SPATA13: variants seen among roughly 807,000 people sequenced by gnomAD.
SPATA13 encodes the protein spermatogenesis-associated protein 13.
Under a neutral mutation model 104.0 loss-of-function variants are expected in SPATA13, and 50 were observed. That is an observed-to-expected ratio of 0.48 (90% CI 0.38 to 0.61). The LOEUF is 0.61. SPATA13 is among the 20% of genes least tolerant of loss of function. The pLI, the probability that SPATA13 is intolerant of heterozygous loss-of-function variation, is 0.00. For synonymous variants in SPATA13, 606 were observed against 667.5 expected (o/e 0.91, Z 1.42); for missense variants, 1,524 against 1,690.6 (o/e 0.90, Z 1.73).
intron 3 of SPATA13, among the ~76,000 whole-genome samples, chr13:24,024,554 C>A (rs891870496): frequency 2.0e-5 from 3 of 152,040 alleles, no homozygotes; most frequent in Non-Finnish European, 4.4e-5. Context: ...CAGGGCCCTG[C>A]TGGTGGCCAC....
At chr13:24,001,145 C>G (rs1463175068) in intron 2 of SPATA13, among the ~76,000 whole-genome samples, 3 of 152,158 alleles carry the variant, frequency 2.0e-5, no homozygotes, top group Non-Finnish European at 4.4e-5. Flanking sequence ...CCTACTCTCT[C>G]CAGGTAATGT....
chr13:24,064,830 C>CTGTGTG (rs1878893427), intron 3 of SPATA13, among the ~76,000 whole-genome samples: 1 of 152,162 alleles, frequency 6.6e-6, no homozygotes, highest in African/African-American at 2.4e-5. Context: ...GTGACTTCAC[C>CTGTGTG]TGTGGGGTAG....
At chr13:24,149,159 C>A (rs1368375240) in intron 3 of SPATA13, among the ~76,000 whole-genome samples, 1 of 152,220 alleles carries the variant, frequency 6.6e-6, no homozygotes, top group Non-Finnish European at 1.5e-5. Context: ...TGCCATCACA[C>A]TGGGTCGTTT....
chr13:24,010,830 C>T (rs577490023), intron 2 of SPATA13, among the ~76,000 whole-genome samples: 7 of 152,140 alleles, frequency 4.6e-5, no homozygotes, highest in East Asian at 3.9e-4. Context: ...GTGCATGGGA[C>T]GTGCTGGTTG....
intron 1 of SPATA13, among the ~76,000 whole-genome samples, chr13:24,221,451 C>G (rs1251830766): frequency 2.0e-5 from 3 of 151,618 alleles, no homozygotes; most frequent in Admixed American, 6.6e-5. Flanking sequence ...GAAGGCTAAG[C>G]AGGTCTTGGC....
intron 3 of SPATA13, among the ~76,000 whole-genome samples, chr13:24,140,005 T>C (rs993897902): frequency 5.3e-5 from 8 of 151,558 alleles, no homozygotes; most frequent in African/African-American, 1.7e-4. Flanking sequence ...GAGGCGGAGC[T>C]TGGCAGTGAG....
upstream of SPATA13, among the ~76,000 whole-genome samples, chr13:24,159,350 A>G (rs1040372897): frequency 1.8e-4 from 27 of 152,226 alleles, no homozygotes; most frequent in African/African-American, 6.3e-4. Context: ...AATTCAAAGA[A>G]TTAAATAAAA....
At chr13:24,195,413 C>T (rs931294949) in intron 1 of SPATA13, among the ~76,000 whole-genome samples, 1 of 152,138 alleles carries the variant, frequency 6.6e-6, no homozygotes, top group Non-Finnish European at 1.5e-5. Context: ...GCTGTGAACA[C>T]TCATGTACAA....
chr13:24,207,282 C>T lies in SPATA13; in HGVS notation c.-111-15537C>T, dbSNP rs189206130. Among the ~76,000 whole-genome samples the T allele has an allele frequency of 2.8e-3, 422 of 152,206 alleles. 2 individuals are homozygous for T. The highest frequency in any genetic ancestry group is 4.6e-3 in the Non-Finnish European group (313 of 68,002). On this transcript the variant is annotated intron_variant, in intron 1 of 12. Coordinates refer to ENST00000382108, the MANE Select transcript of SPATA13 (RefSeq NM_001166271.3). ...ATCTAATGGATGCTGGGCTTAATACCGAGGTGATAGGATGATACGTGCAGC... is the reference window on the plus strand; with the variant it reads ...ATCTAATGGATGCTGGGCTTAATACTGAGGTGATAGGATGATACGTGCAGC...
chr13:24,261,658 A>G (rs1385914948), intron 4 of SPATA13, among the ~76,000 whole-genome samples: 1 of 152,188 alleles, frequency 6.6e-6, no homozygotes, highest in African/African-American at 2.4e-5. Context: ...GGTGTCCCAG[A>G]TGTCAAAGGA....
rs145044879 is a variant in SPATA13 at position 23,998,286 on chromosome 13, G to A, written c.-147+14353G>A. Among the ~76,000 whole-genome samples, 786 of 152,220 alleles carry A rather than the reference G, an allele frequency of 5.2e-3. 8 individuals are homozygous for A. Among genetic ancestry groups the A allele is most frequent in the African/African-American group, 0.017 (696 of 41,528 alleles). On this transcript the variant is annotated intron_variant, in intron 2 of 14. Coordinates refer to the SPATA13 transcript ENST00000424834. ...TTTAGCCATTCTAAAGGTATGTAGTGGTATCTTGGAGTAGTTTTAATTTGC... is the reference window on the plus strand; with the variant it reads ...TTTAGCCATTCTAAAGGTATGTAGTAGTATCTTGGAGTAGTTTTAATTTGC...
intron 3 of SPATA13, among the ~76,000 whole-genome samples, chr13:24,041,905 G>A (rs1172791742): frequency 4.6e-5 from 7 of 152,214 alleles, no homozygotes; most frequent in South Asian, 2.1e-4. Context: ...AGAGTGAGGC[G>A]TAACGGTCAA....
chr13:24,288,175 T>C (rs1055518561), intron 7 of SPATA13, among the ~76,000 whole-genome samples: 6 of 152,198 alleles, frequency 3.9e-5, no homozygotes, highest in African/African-American at 1.4e-4. Flanking sequence ...GCATTCCCCC[T>C]GAGCAGGTCC....
chr13:24,206,318 A>G (rs563175877), intron 1 of SPATA13, among the ~76,000 whole-genome samples: 15 of 152,214 alleles, frequency 9.9e-5, no homozygotes, highest in Non-Finnish European at 1.5e-5. Flanking sequence ...AAAAAGCTCA[A>G]TATCACTGAT....
In SPATA13 at chr13:24,146,932, A is replaced by AT. The variant is rs201482584; in HGVS notation, c.-111-75878dup. 8.4e-3 allele frequency among the ~76,000 whole-genome samples: 1,206 copies of AT among 143,418 alleles called. 16 individuals are homozygous for AT. Among genetic ancestry groups the AT allele is most frequent in the African/African-American group, 0.03 (1,150 of 38,780 alleles). The allele number at this position is 143,418 out of a possible 152,430, so 94.1% of individuals were successfully genotyped here. A position where few individuals can be genotyped will look rare whatever the true frequency, so the allele number is the denominator to read the frequency against. ...TTTTAAAAAATCTCATTCAGGCATG[A>AT]TTTTTTTTTCCTAGAAAAACTATGC... On this transcript the variant is annotated intron_variant, in intron 3 of 14. Coordinates refer to the SPATA13 transcript ENST00000424834.
At chr13:24,034,046 C>T (rs951020833) in intron 3 of SPATA13, 24 of 152,146 alleles carry the variant, frequency 1.6e-4, no homozygotes, top group African/African-American at 5.8e-4. Flanking sequence ...ACACTTTCAA[C>T]ATTTGATTAA....
intron 4 of SPATA13, among the ~76,000 whole-genome samples, chr13:24,273,754 G>C (rs1304708123): frequency 6.6e-6 from 1 of 152,232 alleles, no homozygotes; most frequent in African/African-American, 2.4e-5. Context: ...GGCAGATATT[G>C]TTATGGCAGA....
chr13:24,261,377 A>G (rs1874055615), intron 4 of SPATA13, among the ~76,000 whole-genome samples: 1 of 152,214 alleles, frequency 6.6e-6, no homozygotes, highest in Admixed American at 6.5e-5. Flanking sequence ...AGGTCAAGTC[A>G]GAGCGACCTA....
intron 3 of SPATA13, among the ~76,000 whole-genome samples, chr13:24,146,528 T>C (rs1311129850): frequency 1.3e-5 from 2 of 152,254 alleles, no homozygotes; most frequent in African/African-American, 4.8e-5. Context: ...CTTATCTACA[T>C]AGATAAGAAA....
Sources: gnomAD v4.1 joint callset for allele counts (sites outside exome capture counted in the v4.1 genomes callset) on GRCh38, gnomAD v4.1.1 for gene constraint, MANE v1.5 for transcripts, NCBI Gene and HGNC (gene_info 2026-07-23, HGNC 2026-07-21) for gene names.